Variants in GTF2F2 observed in about 807,000 individuals in gnomAD.
The protein encoded by GTF2F2 is general transcription factor IIF subunit 2.
In GTF2F2, 23 loss-of-function variants were observed where a neutral mutation model predicts 42.2. That is an observed-to-expected ratio of 0.55 (90% CI 0.39 to 0.77). The LOEUF (loss-of-function observed/expected upper bound fraction) is 0.77, where lower values mean the gene tolerates loss of function less well. Ranked by LOEUF, GTF2F2 falls within the 30% of genes least tolerant of loss-of-function variation. GTF2F2 has a pLI of 0.00. For missense variants in GTF2F2, 261 were observed against 287.2 expected, an observed-to-expected ratio of 0.91 and a Z score of 0.66; for synonymous variants, 105 against 100.8, an observed-to-expected ratio of 1.04 and a Z score of -0.25.
chr13:45,194,926 T>C (rs1287302261), intron 4 of GTF2F2, among the ~76,000 whole-genome samples: 6 of 152,246 alleles, frequency 3.9e-5, no homozygotes, highest in Non-Finnish European at 4.4e-5. Context: ...CAAATGTGAA[T>C]GTTTAACTAT....
At chr13:45,141,471 C>T (rs559412921) in intron 2 of GTF2F2, among the ~76,000 whole-genome samples, 3 of 152,140 alleles carry the variant, frequency 2.0e-5, no homozygotes, top group Non-Finnish European at 4.4e-5. Flanking sequence ...TTAATAGTGC[C>T]CCCTTTTCCA....
At chr13:45,185,332 G>A (rs1872367908) in intron 4 of GTF2F2, among the ~76,000 whole-genome samples, 1 of 152,030 alleles carries the variant, frequency 6.6e-6, no homozygotes, top group Non-Finnish European at 1.5e-5. Context: ...TTTTAATATA[G>A]CCTGCTTCCA....
intron 5 of GTF2F2, among the ~76,000 whole-genome samples, chr13:45,217,543 C>G (rs899870300): frequency 6.6e-6 from 1 of 152,188 alleles, no homozygotes; most frequent in African/African-American, 2.4e-5. Context: ...TCAGTTAACA[C>G]TAGTAGAGCA....
chr13:45,279,824 G>A (rs1877186925), intron 7 of GTF2F2, among the ~76,000 whole-genome samples: 1 of 152,118 alleles, frequency 6.6e-6, no homozygotes, highest in Non-Finnish European at 1.5e-5. Flanking sequence ...CGAATCACTT[G>A]AACCCAGTAG....
chr13:45,234,389 A>AGGTCATTAGGAGGGCTGAGAGGGCCTC (rs1385389521), intron 5 of GTF2F2, among the ~76,000 whole-genome samples: 3 of 152,254 alleles, frequency 2.0e-5, no homozygotes, highest in Admixed American at 2.0e-4. Context: ...TAAATCATCA[A>AGGTCATTAGGAGGGCTGAGAGGGCCTC]CTATTTTCAC....
Position 45,191,214 on chromosome 13 carries a change from A to C in GTF2F2, c.305-16210A>C, listed in dbSNP as rs902008767. Among the ~76,000 whole-genome samples the C allele has an allele frequency of 1.5e-3, 111 of 74,972 alleles. 3 individuals carry two copies. The highest frequency in any genetic ancestry group is 1.8e-4 in the Non-Finnish European group (8 of 43,622). 49.2% of individuals were successfully genotyped at this position (74,972 alleles called of 152,430 possible). ...ATGAAACCCCGTCTCTACTAAAAAT[A>C]CAAAAAAAAAATATATATATATATA... On this transcript the variant is annotated intron_variant, in intron 4 of 7. Coordinates refer to ENST00000340473, the MANE Select transcript of GTF2F2 (RefSeq NM_004128.3).
chr13:45,236,076 A>G (rs531698550), intron 5 of GTF2F2, among the ~76,000 whole-genome samples: 3 of 152,330 alleles, frequency 2.0e-5, no homozygotes, highest in African/African-American at 7.2e-5. Flanking sequence ...TAGAGAAAGA[A>G]TTCATTTCCC....
At chr13:45,178,270 C>G (rs1871980160) in intron 4 of GTF2F2, among the ~76,000 whole-genome samples, 1 of 151,818 alleles carries the variant, frequency 6.6e-6, no homozygotes, top group African/African-American at 2.4e-5. Flanking sequence ...TTCCTATATA[C>G]CAACTCACTA....
rs757673607 is a variant in GTF2F2 at position 45,207,473 on chromosome 13, A to G, written c.354A>G (p.Pro118=). The change falls in exon 5 of 8, where the codon CCA becomes CCG. Residue 118 remains proline, a synonymous_variant. Transcript: ENST00000340473. The stretch of plus-strand genomic sequence containing the variant: ...TGGTACAAAGAGCTGAATGCCGACC[A>G]GCTGCCAGTGAAAACTACATGCGAT... ...GIVVQRAECR[P]AASENYMRLK... 8.1e-6 allele frequency: 13 copies of G among 1,611,330 alleles called. No homozygotes were observed. The highest frequency in any genetic ancestry group is 1.1e-5 in the Non-Finnish European group (13 of 1,177,606).
intron 7 of GTF2F2, among the ~76,000 whole-genome samples, chr13:45,280,775 G>T (rs1173389211): frequency 6.6e-6 from 1 of 151,970 alleles, no homozygotes; most frequent in Non-Finnish European, 1.5e-5. Context: ...CATTTTCTGG[G>T]CCTAGATTAT....
chr13:45,243,558 C>T (rs1486117595), intron 5 of GTF2F2, among the ~76,000 whole-genome samples: 1 of 152,224 alleles, frequency 6.6e-6, no homozygotes, highest in Non-Finnish European at 1.5e-5. Flanking sequence ...TATGTTAAAT[C>T]ATCTCTTGAT....
At chr13:45,179,571 T>A (rs1472938535) in intron 4 of GTF2F2, among the ~76,000 whole-genome samples, 1 of 152,216 alleles carries the variant, frequency 6.6e-6, no homozygotes, top group African/African-American at 2.4e-5. Context: ...TGAACTCCTG[T>A]TAGACTTTCT....
At chr13:45,180,614 C>G (rs1263768441) in intron 4 of GTF2F2, among the ~76,000 whole-genome samples, 1 of 151,890 alleles carries the variant, frequency 6.6e-6, no homozygotes, top group African/African-American at 2.4e-5. Context: ...GTGTTTGTAG[C>G]CAAATGAATT....
chr13:45,251,601 C>CTTT (rs546041852), intron 5 of GTF2F2, among the ~76,000 whole-genome samples: 2 of 147,804 alleles, frequency 1.4e-5, no homozygotes, highest in African/African-American at 2.5e-5. Flanking sequence ...AAAAAACTGC[C>CTTT]TTTTTTTTTT....
intron 7 of GTF2F2, among the ~76,000 whole-genome samples, chr13:45,277,268 T>G (rs1335983651): frequency 6.6e-6 from 1 of 152,202 alleles, no homozygotes; most frequent in African/African-American, 2.4e-5. Context: ...TGGCTCATGG[T>G]TCTGCAGGCT....
intron 4 of GTF2F2, among the ~76,000 whole-genome samples, chr13:45,170,570 G>A (rs1871544185): frequency 6.6e-6 from 1 of 152,108 alleles, no homozygotes; most frequent in Non-Finnish European, 1.5e-5. Context: ...GAGGTACTCT[G>A]TACACAGAAT....
chr13:45,264,884 T>C (rs1178251129), intron 6 of GTF2F2, among the ~76,000 whole-genome samples: 1 of 152,154 alleles, frequency 6.6e-6, no homozygotes, highest in Non-Finnish European at 1.5e-5. Context: ...CTTCCTAGCT[T>C]CTCCAATCAT....
intron 5 of GTF2F2, among the ~76,000 whole-genome samples, chr13:45,231,542 T>C (rs182617913): frequency 1.8e-4 from 27 of 152,294 alleles, no homozygotes; most frequent in African/African-American, 5.8e-4. Flanking sequence ...AATGAATCAA[T>C]AGGGAGTCCT....
At chr13:45,249,274 C>T (rs1323003409) in intron 5 of GTF2F2, among the ~76,000 whole-genome samples, 1 of 152,028 alleles carries the variant, frequency 6.6e-6, no homozygotes, top group Non-Finnish European at 1.5e-5. Context: ...CATACATTAA[C>T]CTTTTTAGTT....
Sources: allele counts gnomAD v4.1 joint callset (sites outside exome capture counted in the v4.1 genomes callset), GRCh38; gene constraint gnomAD v4.1.1; transcripts MANE v1.5; gene names NCBI Gene and HGNC (gene_info 2026-07-23, HGNC 2026-07-21).